ERP27: variants seen among roughly 807,000 people sequenced by gnomAD.
The protein encoded by ERP27 is endoplasmic reticulum protein 27.
ERP27 carries 23 observed loss-of-function variants against 27.7 expected under a neutral mutation model. The ratio of observed to expected loss-of-function variants is 0.83; its 90% CI spans 0.60 to 1.18. The LOEUF is 1.18. Among genes scored for constraint, ERP27 ranks in the 50% most tolerant of loss-of-function variants. The pLI is 0.00. For synonymous variants in ERP27, 159 were observed against 118.3 expected (o/e 1.34, Z -2.23); for missense variants, 363 against 327.9 (o/e 1.11, Z -0.83).
At chr12:14,931,334 T>A (rs1008650610) in intron 3 of ERP27, among the ~76,000 whole-genome samples, 1 of 124,318 alleles carries the variant, frequency 8.0e-6, no homozygotes, top group African/African-American at 3.1e-5. Context: ...CAGTGTAAAA[T>A]AGGATAGTCT....
rs1863398266 is a variant in ERP27, at chr12:14,915,637, A to G, written c.626T>C (p.Ile209Thr). ...DSGMKENGKV[I>T]SFFKLKESQL... ...AGACTCCTTTAGTTTGAAAAATGATATCACCTTCCCATTTTCTTTCATACC... is the reference window on the plus strand; with the variant it reads ...AGACTCCTTTAGTTTGAAAAATGATGTCACCTTCCCATTTTCTTTCATACC... Residue 209 changes from isoleucine (I) to threonine (T), a missense_variant, in exon 6 of 7, where the codon ATA becomes ACA. Physicochemically the swap from Ile to Thr is moderately conservative, Grantham distance 89. Coordinates refer to ENST00000266397, the MANE Select transcript of ERP27 (RefSeq NM_152321.4). The G allele has an allele frequency of 6.2e-7, 1 of 1,614,194 alleles. No homozygotes were observed. Among genetic ancestry groups the G allele is most frequent in the Non-Finnish European group, 8.5e-7 (1 of 1,180,018 alleles).
At chr12:14,931,063 G>A (rs1384777420) in intron 3 of ERP27, among the ~76,000 whole-genome samples, 1 of 152,046 alleles carries the variant, frequency 6.6e-6, no homozygotes, top group Non-Finnish European at 1.5e-5. Flanking sequence ...TAGTAAAAAG[G>A]GTATGATTTG....
At chr12:14,929,234 A>C in intron 3 of ERP27, 3 of 919,838 alleles carry the variant, frequency 3.3e-6, no homozygotes, top group Non-Finnish European at 4.4e-6. Context: ...TCTGGACTTA[A>C]AGAATGCACT....
rs1488323906 is a variant in ERP27 at position 14,920,920 on chromosome 12, A to C, written c.450+12T>G. Reference sequence around the variant, plus strand: ...GGGTCTGAAGGGACTAAGAACAGGAAGTATTGTTTACCACAGGGTTGTACT... The same window carrying C: ...GGGTCTGAAGGGACTAAGAACAGGACGTATTGTTTACCACAGGGTTGTACT... On this transcript the variant is annotated intron_variant, in intron 4 of 6. Coordinates refer to ENST00000266397, the MANE Select transcript of ERP27 (RefSeq NM_152321.4). 6.2e-7 allele frequency: 1 copy of C among 1,604,746 alleles called. No individual in the cohort carries two copies.
chr12:14,917,380 A>G (rs11056239), intron 4 of ERP27, 77 bp from the exon 5 acceptor site: 47,687 of 1,591,686 alleles, frequency 0.03, 1,212 homozygotes, highest in African/African-American at 0.1. Context: ...GTGAATAGGT[A>G]GATTGAAACT....
intron 4 of ERP27, 108 bp downstream of exon 4, chr12:14,920,824 T>A (rs1863490109): frequency 2.5e-6 from 2 of 788,714 alleles, no homozygotes; most frequent in East Asian, 4.9e-5. Flanking sequence ...TACAGTATTG[T>A]ATTGGTCGAA....
intron 4 of ERP27, among the ~76,000 whole-genome samples, chr12:14,919,955 A>C (rs1863475129): frequency 1.3e-5 from 2 of 152,214 alleles, no homozygotes; most frequent in Non-Finnish European, 2.9e-5. Flanking sequence ...CCTCAAAAAA[A>C]ATCAATATGA....
At chr12:14,929,162 C>G in intron 3 of ERP27, 1 of 1,391,334 alleles carries the variant, frequency 7.2e-7, no homozygotes, top group Non-Finnish European at 9.3e-7. Flanking sequence ...TACTCTTTTC[C>G]GGGCAGTCCT....
intron 2 of ERP27, 140 bp from the exon 3 acceptor site, chr12:14,935,133 A>G (rs2120626070): frequency 1.4e-6 from 2 of 1,448,286 alleles, no homozygotes; most frequent in East Asian, 2.5e-5. Flanking sequence ...TTTACCCCTA[A>G]CAATTCAGGT....
intron 3 of ERP27, among the ~76,000 whole-genome samples, chr12:14,924,258 T>C (rs1307345364): frequency 6.6e-6 from 1 of 152,224 alleles, no homozygotes; most frequent in Non-Finnish European, 1.5e-5. Flanking sequence ...TACTGCAATT[T>C]CTTTCTCCAT....
chr12:14,914,833 C>T (rs1242445725), intron 6 of ERP27, 51 bp from the exon 7 acceptor site: 5 of 1,416,920 alleles, frequency 3.5e-6, no homozygotes, highest in Non-Finnish European at 4.9e-6. Context: ...GAGCTGTTTA[C>T]TCCTGGAAGT....
Position 14,934,994 on chromosome 12 carries a change from C to T in ERP27, c.196-1G>A. The T allele has an allele frequency of 6.2e-7, 1 of 1,613,346 alleles. No homozygotes were observed. The highest frequency in any genetic ancestry group is 2.2e-5 in the East Asian group (1 of 44,842). ...TGGGCACTGCTGGTATTTCTAAATC[C>T]TAAAAACAAGAGAAAAAATAATACC... is the stretch of plus-strand genomic sequence containing the variant. On this transcript the variant is annotated splice_acceptor_variant, in intron 2 of 6. Coordinates refer to ENST00000266397, the MANE Select transcript of ERP27 (RefSeq NM_152321.4). LOFTEE classifies it high-confidence loss of function.
rs555113620 is a variant in ERP27, at chr12:14,920,457, G to T, written c.450+475C>A. ...CCTGTGACATCCAAATATGTGATCA[G>T]TGAGCTTCATTTAAAATTTTTTTGT... On this transcript the variant is annotated intron_variant, in intron 4 of 6. Coordinates refer to ENST00000266397, the MANE Select transcript of ERP27 (RefSeq NM_152321.4). 1.7e-4 allele frequency among the ~76,000 whole-genome samples: 26 copies of T among 152,318 alleles called. No homozygotes were observed. The East Asian group carries it at 5.0e-3, about 29-fold the overall frequency.
At chr12:14,936,718 C>T (rs1000807224) in intron 2 of ERP27, among the ~76,000 whole-genome samples, 2 of 152,040 alleles carry the variant, frequency 1.3e-5, no homozygotes, top group African/African-American at 2.4e-5. Context: ...GTTTTTTAAG[C>T]GTCTGGCATT....
Position 14,919,245 on chromosome 12 carries a change from C to T in ERP27, c.450+1687G>A, listed in dbSNP as rs371099627. ...GTAACAATACAGATTGAACTTGCTT[C>T]TTTAAAGAAATTCTTACTGAATTTT... is the stretch of plus-strand genomic sequence containing the variant. On this transcript the variant is annotated intron_variant, in intron 4 of 6. Transcript: ENST00000266397. Among the ~76,000 whole-genome samples the T allele has an allele frequency of 2.4e-4, 36 of 152,302 alleles. 1 individual carries two copies. The East Asian group carries it at 4.4e-3, about 19-fold the overall frequency.
At chr12:14,924,573 T>C (rs929189875) in intron 3 of ERP27, among the ~76,000 whole-genome samples, 1 of 152,176 alleles carries the variant, frequency 6.6e-6, no homozygotes, top group Admixed American at 6.5e-5. Context: ...GCCATTCTAA[T>C]TGGGGTGAGG....
intron 3 of ERP27, among the ~76,000 whole-genome samples, chr12:14,922,082 T>C (rs970807313): frequency 6.6e-6 from 1 of 152,206 alleles, no homozygotes; most frequent in African/African-American, 2.4e-5. Context: ...TTGTTTCTAG[T>C]CATTAAGACA....
chr12:14,927,744 G>GCACACACACA lies in ERP27; in HGVS notation c.334-6706_334-6697dup, dbSNP rs3084565. 1.1e-4 allele frequency among the ~76,000 whole-genome samples: 17 copies of GCACACACACA among 148,318 alleles called. No homozygotes were observed. The South Asian group carries it at 1.9e-3, about 17-fold the overall frequency. ...TTTACTGGCTCTCTAATGCCTTCAG[G>GCACACACACA]CACACACACACACACACACACACAC... On this transcript the variant is annotated intron_variant, in intron 3 of 6. Transcript: ENST00000266397.
At chr12:14,930,125 A>G (rs889790917) in intron 3 of ERP27, among the ~76,000 whole-genome samples, 5 of 152,176 alleles carry the variant, frequency 3.3e-5, no homozygotes, top group African/African-American at 9.7e-5. Context: ...TGGCACACGT[A>G]CACGATATAA....
Sources: gnomAD v4.1 joint callset for allele counts (sites outside exome capture counted in the v4.1 genomes callset) on GRCh38, gnomAD v4.1.1 for gene constraint, MANE v1.5 for transcripts, NCBI Gene and HGNC (gene_info 2026-07-23, HGNC 2026-07-21) for gene names.